The following PDE10A variants were observed in gnomAD, a reference collection of about 807,000 sequenced individuals.
PDE10A encodes phosphodiesterase 10A, also known as cAMP and cAMP-inhibited cGMP 3',5'-cyclic phosphodiesterase 10A.
A neutral mutation model predicts 97.7 loss-of-function variants in PDE10A; 39 were observed. The ratio of observed to expected loss-of-function variants is 0.40; its 90% CI spans 0.31 to 0.52. PDE10A has a LOEUF of 0.52. PDE10A is among the 20% of genes least tolerant of loss of function. PDE10A has a pLI of 0.56. For missense variants in PDE10A, 731 were observed against 1,047.8 expected, an observed-to-expected ratio of 0.70 and a Z score of 4.17; for synonymous variants, 371 against 376.8, an observed-to-expected ratio of 0.98 and a Z score of 0.18.
At chr6:165,614,893 C>T (rs559038014) in intron 1 of PDE10A, among the ~76,000 whole-genome samples, 9 of 151,444 alleles carry the variant, frequency 5.9e-5, no homozygotes, top group African/African-American at 2.2e-4. Flanking sequence ...AAGTGTTAAA[C>T]CCATTGGGCA....
At position 165,388,485 on chromosome 6, in the gene PDE10A, A is replaced by T; in HGVS notation, c.2455-32T>A. ...AAAATAATATGATGCAGAGATGCTC[A>T]AAACACAGAAACACACATGAGCAGA... On this transcript the variant is annotated intron_variant, in intron 16 of 21. Transcript: ENST00000539869. This position sits in a 1 kb window ranked among gnomAD's most constrained non-coding sequence, Gnocchi z 4.0. The T allele has an allele frequency of 6.2e-7, 1 of 1,605,964 alleles. No homozygotes were observed. The highest frequency in any genetic ancestry group is 8.5e-7 in the Non-Finnish European group (1 of 1,173,916).
intron 1 of PDE10A, among the ~76,000 whole-genome samples, chr6:165,584,438 G>A (rs1374212192): frequency 6.6e-6 from 1 of 152,042 alleles, no homozygotes; most frequent in Non-Finnish European, 1.5e-5. Context: ...AAAGACGCAG[G>A]AGCCTTTTGT....
chr6:165,630,884 A>G (rs1199786625), intron 1 of PDE10A, among the ~76,000 whole-genome samples: 1 of 152,208 alleles, frequency 6.6e-6, no homozygotes, highest in Non-Finnish European at 1.5e-5. Context: ...GAGACTGAAC[A>G]AAACGGGCAG....
chr6:165,905,595 A>T (rs921883011), intron 1 of PDE10A, among the ~76,000 whole-genome samples: 8 of 152,178 alleles, frequency 5.3e-5, no homozygotes, highest in Non-Finnish European at 1.2e-4. Flanking sequence ...TATATTTTAA[A>T]TCGCCATTTA....
intron 1 of PDE10A, among the ~76,000 whole-genome samples, chr6:165,843,875 C>T (rs1176970938): frequency 6.6e-6 from 1 of 152,180 alleles, no homozygotes; most frequent in Non-Finnish European, 1.5e-5. Context: ...AAAGAGAGAC[C>T]TGTGTGGGTG....
chr6:165,481,896 G>C (rs1779622914), intron 3 of PDE10A, among the ~76,000 whole-genome samples: 1 of 152,216 alleles, frequency 6.6e-6, no homozygotes, highest in African/African-American at 2.4e-5. Context: ...AGTAAAGCCA[G>C]CTACATGGAG....
chr6:165,862,109 A>C (rs567907227), intron 1 of PDE10A, among the ~76,000 whole-genome samples: 1 of 152,238 alleles, frequency 6.6e-6, no homozygotes. Context: ...ATTCCCATGG[A>C]AAGAGAAATT....
chr6:165,890,971 TAAC>T (rs1341238655), intron 1 of PDE10A, among the ~76,000 whole-genome samples: 2 of 152,214 alleles, frequency 1.3e-5, no homozygotes, highest in African/African-American at 4.8e-5. Context: ...TTCCACAAGA[TAAC>T]AAATGATTTT....
At chr6:165,404,808 T>C (rs1327705743) in intron 13 of PDE10A, among the ~76,000 whole-genome samples, 1 of 152,166 alleles carries the variant, frequency 6.6e-6, no homozygotes, top group Non-Finnish European at 1.5e-5. Flanking sequence ...TTACCATGCT[T>C]GCACAACTAT....
chr6:165,679,573 C>T (rs1790919846), intron 1 of PDE10A, among the ~76,000 whole-genome samples: 1 of 152,188 alleles, frequency 6.6e-6, no homozygotes, highest in Non-Finnish European at 1.5e-5. Flanking sequence ...ACTGTCACAG[C>T]ACAGGAACGC....
At chr6:165,374,409 A>G (rs1458805375) in intron 18 of PDE10A, among the ~76,000 whole-genome samples, 1 of 151,988 alleles carries the variant, frequency 6.6e-6, no homozygotes, top group Non-Finnish European at 1.5e-5. Context: ...AATATGTGTA[A>G]TATATAACAG....
At chr6:165,531,313 T>A (rs546101720) in intron 2 of PDE10A, among the ~76,000 whole-genome samples, 1 of 151,258 alleles carries the variant, frequency 6.6e-6, no homozygotes, top group South Asian at 2.1e-4. Flanking sequence ...TTAGCAAGCG[T>A]TACGCACATA....
chr6:165,409,307 G>A (rs1787516890), intron 13 of PDE10A, among the ~76,000 whole-genome samples: 1 of 152,196 alleles, frequency 6.6e-6, no homozygotes, highest in Non-Finnish European at 1.5e-5. Flanking sequence ...AGCACTTTGG[G>A]AGGCCGAGGC....
At chr6:165,893,365 A>G (rs2323035) in intron 1 of PDE10A, among the ~76,000 whole-genome samples, 70,912 of 152,098 alleles carry the variant, frequency 0.47, 16,767 homozygotes, top group East Asian at 0.66. Context: ...CTATGTGTTA[A>G]GCACTCTCCT....
chr6:165,560,058 G>A (rs56288258), intron 1 of PDE10A, among the ~76,000 whole-genome samples: 2,582 of 152,220 alleles, frequency 0.017, 54 homozygotes, highest in African/African-American at 0.049. Flanking sequence ...CATGATCTCC[G>A]GCACTGTGAG....
intron 1 of PDE10A, among the ~76,000 whole-genome samples, chr6:165,635,606 G>A (rs937520648): frequency 5.3e-5 from 8 of 152,064 alleles, no homozygotes; most frequent in Admixed American, 3.9e-4. Context: ...AGAGATTTGT[G>A]GCAAATCTAA....
intron 1 of PDE10A, among the ~76,000 whole-genome samples, chr6:165,854,903 C>T (rs1360739384): frequency 6.6e-6 from 1 of 152,146 alleles, no homozygotes; most frequent in African/African-American, 2.4e-5. Flanking sequence ...GACCGCGGGT[C>T]CCAGGGGATG....
chr6:165,593,904 A>G (rs747959561), intron 1 of PDE10A, among the ~76,000 whole-genome samples: 1 of 152,208 alleles, frequency 6.6e-6, no homozygotes, highest in South Asian at 2.1e-4. Flanking sequence ...GAGCTAAATA[A>G]CCAATATTAA....
chr6:165,438,238 G>GCAACA (rs1790175405), intron 5 of PDE10A, among the ~76,000 whole-genome samples: 1 of 152,006 alleles, frequency 6.6e-6, no homozygotes, highest in Non-Finnish European at 1.5e-5. Context: ...GCCCAGGCTG[G>GCAACA]AGTGCAATGG....
Sources: gnomAD v4.1 joint callset for allele counts (sites outside exome capture counted in the v4.1 genomes callset) on GRCh38, gnomAD v4.1.1 for gene constraint, Gnocchi (gnomAD v3.1) non-coding constraint, MANE v1.5 for transcripts, NCBI Gene and HGNC (gene_info 2026-07-23, HGNC 2026-07-21) for gene names.